Variants in NUP43 observed in about 807,000 individuals in gnomAD.
The protein encoded by NUP43 is nucleoporin Nup43.
A neutral mutation model predicts 47.3 loss-of-function variants in NUP43; 32 were observed. That is an observed-to-expected ratio of 0.68 (90% confidence interval 0.51 to 0.91). The LOEUF (loss-of-function observed/expected upper bound fraction) is 0.91. Ranked by LOEUF, NUP43 falls within the 40% of genes least tolerant of loss-of-function variation. NUP43 has a pLI of 0.00. For missense variants in NUP43, 444 were observed against 453.9 expected (o/e 0.98, Z 0.20); for synonymous variants, 147 against 158.4 (o/e 0.93, Z 0.54).
At chr6:149,737,257 C>T (rs1249954628) in intron 5 of NUP43, among the ~76,000 whole-genome samples, 17 of 151,524 alleles carry the variant, frequency 1.1e-4, no homozygotes, top group Admixed American at 8.6e-4. Context: ...GCACTCCAGC[C>T]TGGGTGACAG....
In NUP43 at chr6:149,727,144, T is replaced by C; in HGVS notation, c.968A>G (p.His323Arg). 1 of 1,614,152 alleles carries C rather than the reference T, an allele frequency of 6.2e-7. No homozygotes were observed. Among genetic ancestry groups the C allele is most frequent in the African/African-American group, 1.3e-5 (1 of 75,048 alleles). Residue 323 changes from histidine to arginine, a missense_variant, in exon 8 of 8, where the codon CAC becomes CGC. Transcript: ENST00000340413. ...GAGCCAGGAGCTAATGACAGACTGG[T>C]GAACATTAGCTTGGTTACTAATGCT... ...SHSISNQANVHQSVISSWLST... is the reference protein window; with the variant it reads ...SHSISNQANVRQSVISSWLST...
intron 6 of NUP43, 82 bp from the exon 7 acceptor site, chr6:149,731,817 C>A: frequency 7.0e-7 from 1 of 1,423,250 alleles, no homozygotes; most frequent in South Asian, 1.2e-5. Flanking sequence ...TAGGCATCAT[C>A]TTCCATTATC....
intron 2 of NUP43, among the ~76,000 whole-genome samples, chr6:149,745,412 A>G (rs990421505): frequency 6.6e-6 from 1 of 151,886 alleles, no homozygotes; most frequent in Non-Finnish European, 1.5e-5. Context: ...AAAAAAAAAA[A>G]AAAAAGAAAA....
rs1190016928 is a variant in NUP43, at chr6:149,726,895, A to G, written c.*74T>C. 29 of 1,140,176 alleles carry G rather than the reference A, an allele frequency of 2.5e-5. No individual in the cohort carries two copies. Among genetic ancestry groups the G allele is most frequent in the Non-Finnish European group, 3.7e-5 (29 of 774,446 alleles). 70.6% of individuals were successfully genotyped at this position (1,140,176 alleles called of 1,614,324 possible). On this transcript the variant is annotated 3_prime_UTR_variant, in exon 8 of 8. Coordinates refer to ENST00000340413, the MANE Select transcript of NUP43 (RefSeq NM_198887.3). ...TGCAAATCTCGTATTTTCTGATACT[A>G]AAATTTTGCACAGAAGTTGGATTTC...
chr6:149,727,587 C>T, intron 7 of NUP43: 1 of 885,924 alleles, frequency 1.1e-6, no homozygotes, highest in Middle Eastern at 5.8e-4. Context: ...TGGGTAATAA[C>T]AAAATAAAAT....
chr6:149,734,079 C>A (rs1355969546), intron 6 of NUP43, among the ~76,000 whole-genome samples: 2 of 152,082 alleles, frequency 1.3e-5, no homozygotes, highest in Admixed American at 6.6e-5. Flanking sequence ...CTGCCTCGGC[C>A]TCCCAAAGTG....
At chr6:149,728,352 G>A (rs1474526490) in intron 7 of NUP43, 6 of 984,746 alleles carry the variant, frequency 6.1e-6, no homozygotes, top group African/African-American at 1.7e-5. Flanking sequence ...GGTTAGGGGA[G>A]GAAGGAAGTA....
chr6:149,739,999 A>G (rs1785563800), intron 4 of NUP43, among the ~76,000 whole-genome samples: 1 of 152,200 alleles, frequency 6.6e-6, no homozygotes, highest in South Asian at 2.1e-4. Context: ...CAAATAAGTA[A>G]TGTCGCCCAG....
chr6:149,743,580 A>G lies in NUP43; in HGVS notation c.321+58T>C, dbSNP rs966196972. 8.9e-6 allele frequency: 10 copies of G among 1,125,956 alleles called. No individual in the cohort carries two copies. In the African/African-American group the frequency reaches 1.1e-4, roughly 12 times the overall value. The allele number at this position is 1,125,956 out of a possible 1,614,324, so 69.7% of individuals were successfully genotyped here. On this transcript the variant is annotated intron_variant, in intron 3 of 7. Transcript: ENST00000340413. ...ACTGCACTCCAGTGCGCGGGCAACAAGAGCAAAACTCCATTTCAAAAAAAA... is the reference window on the plus strand; with the variant it reads ...ACTGCACTCCAGTGCGCGGGCAACAGGAGCAAAACTCCATTTCAAAAAAAA...
At chr6:149,736,745 G>A (rs1785380513) in intron 5 of NUP43, 123 bp from the exon 6 acceptor site, 1 of 766,304 alleles carries the variant, frequency 1.3e-6, no homozygotes. Flanking sequence ...CTGGAATGCA[G>A]CGCTGCAATC....
chr6:149,727,048 G>C lies in NUP43; in HGVS notation c.1064C>G (p.Thr355Ser), dbSNP rs186258846. ...LLPSRSLSVN[T>S]LDVLGPCLVC... ...AAGACAAGGACCTAAAACATCCAAA[G>C]TGTTCACAGACAGAGACCTACTGGG... The change falls in exon 8 of 8, where the codon ACT becomes AGT. Residue 355 changes from threonine (T) to serine (S), a missense_variant. Coordinates refer to ENST00000340413, the MANE Select transcript of NUP43 (RefSeq NM_198887.3). 11 of 1,614,142 alleles carry C rather than the reference G, an allele frequency of 6.8e-6. No individual in the cohort carries two copies. Among genetic ancestry groups the C allele is most frequent in the Middle Eastern group, 1.7e-4 (1 of 6,060 alleles).
At chr6:149,740,886 T>TTAG (rs1785617296) in intron 4 of NUP43, among the ~76,000 whole-genome samples, 1 of 152,192 alleles carries the variant, frequency 6.6e-6, no homozygotes, top group South Asian at 2.1e-4. Context: ...CCTAAATAAA[T>TTAG]ATCTAAAGTC....
At chr6:149,739,857 T>C (rs1361019495) in intron 4 of NUP43, among the ~76,000 whole-genome samples, 1 of 152,244 alleles carries the variant, frequency 6.6e-6, no homozygotes, top group African/African-American at 2.4e-5. Flanking sequence ...AAGTCACTCC[T>C]TATTGTCATA....
intron 6 of NUP43, 114 bp from the exon 7 acceptor site, chr6:149,731,849 C>T (rs144958598): frequency 3.8e-5 from 42 of 1,091,844 alleles, no homozygotes; most frequent in Non-Finnish European, 5.2e-5. Context: ...ACCTTCGAGC[C>T]TCAAGTCTGT....
upstream of NUP43, chr6:149,749,313 G>T (rs141191037): frequency 1.5e-3 from 267 of 180,068 alleles, 1 homozygote; most frequent in African/African-American, 6.0e-3. Context: ...TAGTCAACTG[G>T]GTTGGGCGAG....
chr6:149,731,845 G>C (rs1160215441), intron 6 of NUP43, 110 bp from the exon 7 acceptor site: 1 of 1,135,110 alleles, frequency 8.8e-7, no homozygotes, highest in Admixed American at 2.2e-5. Context: ...ACATACCTTC[G>C]AGCCTCAAGT....
chr6:149,742,370 C>G lies in NUP43; in HGVS notation c.502+20G>C. On this transcript the variant is annotated intron_variant, in intron 4 of 7. Transcript: ENST00000340413. ...AGAGACTAGGTTTCGCCATGTTGGC[C>G]AGGCTGGGATTTTTCTTACCTATGG... is the stretch of plus-strand genomic sequence containing the variant. 6.2e-7 allele frequency: 1 copy of G among 1,611,150 alleles called. No homozygotes were observed. Among genetic ancestry groups the G allele is most frequent in the African/African-American group, 1.3e-5 (1 of 74,992 alleles).
chr6:149,736,591 C>G lies in NUP43; in HGVS notation c.670G>C (p.Asp224His). 6.2e-7 allele frequency: 1 copy of G among 1,607,388 alleles called. No homozygotes were observed. Among genetic ancestry groups the G allele is most frequent in the Non-Finnish European group, 8.5e-7 (1 of 1,174,618 alleles). The change falls in exon 6 of 8, where the codon GAT becomes CAT. Residue 224 changes from aspartate to histidine, a missense_variant. By Grantham distance (81) the Asp-to-His change is moderately conservative (BLOSUM62 -1). Coordinates refer to ENST00000340413, the MANE Select transcript of NUP43 (RefSeq NM_198887.3). ...ACATGCTGTTGGTTGGGATGTCTAT[C>G]AACACAGTGGAGTGGCACTCGGTCA... ...TGDRVPLHCVDRHPNQQHVVA... is the reference protein window; with the variant it reads ...TGDRVPLHCVHRHPNQQHVVA...
chr6:149,741,165 G>A (rs1172492948), intron 4 of NUP43, among the ~76,000 whole-genome samples: 3 of 151,966 alleles, frequency 2.0e-5, no homozygotes, highest in Non-Finnish European at 4.4e-5. Flanking sequence ...GTGTGCACAT[G>A]TGTACATATA....
Sources: gnomAD v4.1 joint callset for allele counts (sites outside exome capture counted in the v4.1 genomes callset) on GRCh38, gnomAD v4.1.1 for gene constraint, MANE v1.5 for transcripts, NCBI Gene and HGNC (gene_info 2026-07-23, HGNC 2026-07-21) for gene names.